The following PTPRD variants were observed in gnomAD, a reference collection of about 807,000 sequenced individuals.
The protein encoded by PTPRD is receptor-type tyrosine-protein phosphatase delta.
In PTPRD, 34 loss-of-function variants were observed where a neutral mutation model predicts 214.5. The observed-to-expected ratio is 0.16, with a 90% CI of 0.12 to 0.21. The LOEUF (loss-of-function observed/expected upper bound fraction) is 0.21. Ranked by LOEUF, PTPRD falls within the 10% of genes least tolerant of loss-of-function variation. The probability of loss-of-function intolerance (pLI) is 1.00; values close to 1 mark genes in which losing one functional copy is unlikely to be tolerated. For synonymous variants in PTPRD, 1,128 were observed against 845.7 expected (o/e 1.33, Z -5.79); for missense variants, 2,545 against 2,398.7 (o/e 1.06, Z -1.27).
At chr9:9,319,069 G>A (rs1374629161) in intron 9 of PTPRD, among the ~76,000 whole-genome samples, 1 of 152,188 alleles carries the variant, frequency 6.6e-6, no homozygotes, top group Non-Finnish European at 1.5e-5. Context: ...GGCTGCAATA[G>A]GCTTGACGAA....
intron 4 of PTPRD, among the ~76,000 whole-genome samples, chr9:9,975,965 A>G (rs543758787): frequency 6.6e-6 from 1 of 152,210 alleles, no homozygotes; most frequent in Non-Finnish European, 1.5e-5. Context: ...CCTGAAAAGC[A>G]GTAGAAGGCA....
Position 8,569,118 on chromosome 9 carries a change from C to A in PTPRD, c.353-40339G>T, listed in dbSNP as rs184580728. Among the ~76,000 whole-genome samples the A allele has an allele frequency of 1.8e-3, 279 of 152,178 alleles. 1 individual carries two copies. Among genetic ancestry groups the A allele is most frequent in the Non-Finnish European group, 3.3e-3 (227 of 67,970 alleles). ...CCAAACTAACACATCTTTCTTCAGC[C>A]TAGGGAGTTCATTTTAACCCACGTA... On this transcript the variant is annotated intron_variant, in intron 14 of 45. Transcript: ENST00000381196.
chr9:9,895,976 A>G (rs776886133), intron 5 of PTPRD, among the ~76,000 whole-genome samples: 39 of 152,232 alleles, frequency 2.6e-4, no homozygotes, highest in Admixed American at 7.2e-4. Context: ...CAGAGCATGA[A>G]TGATGGGTAG....
At chr9:10,464,485 AG>A (rs2098980376) in intron 2 of PTPRD, among the ~76,000 whole-genome samples, 3 of 127,196 alleles carry the variant, frequency 2.4e-5, no homozygotes, top group Non-Finnish European at 5.8e-5. Context: ...GGAGAAAGAC[AG>A]GAAGATGAAG....
At chr9:9,458,342 G>T (rs1318316353) in intron 8 of PTPRD, among the ~76,000 whole-genome samples, 2 of 151,882 alleles carry the variant, frequency 1.3e-5, no homozygotes, top group Non-Finnish European at 2.9e-5. Context: ...ATCCAACATT[G>T]TACCACTATT....
intron 36 of PTPRD, among the ~76,000 whole-genome samples, chr9:8,403,296 C>G (rs975536460): frequency 6.6e-6 from 1 of 152,264 alleles, no homozygotes; most frequent in African/African-American, 2.4e-5. Flanking sequence ...CTTAAAATAA[C>G]TGGGTCTGAA....
chr9:9,181,593 C>G (rs2099928259), intron 10 of PTPRD, among the ~76,000 whole-genome samples: 2 of 151,962 alleles, frequency 1.3e-5, no homozygotes, highest in Admixed American at 1.3e-4. Flanking sequence ...ACTACAGCCA[C>G]CAGAAATATA....
chr9:8,327,517 T>C (rs1304862367), intron 44 of PTPRD, among the ~76,000 whole-genome samples: 2 of 152,152 alleles, frequency 1.3e-5, no homozygotes, highest in Non-Finnish European at 2.9e-5. Flanking sequence ...TCTGTTGATT[T>C]GGGTGGAGAG....
At chr9:9,889,832 T>C (rs554873217) in intron 5 of PTPRD, among the ~76,000 whole-genome samples, 2 of 151,964 alleles carry the variant, frequency 1.3e-5, no homozygotes, top group South Asian at 4.2e-4. Flanking sequence ...TGTGTGTCTG[T>C]GTGTGGTCTC....
At chr9:10,064,520 G>C (rs76273371) in intron 3 of PTPRD, among the ~76,000 whole-genome samples, 2 of 151,842 alleles carry the variant, frequency 1.3e-5, no homozygotes, top group Non-Finnish European at 2.9e-5. Context: ...TCAGGGGATT[G>C]TGGTTAATGG....
At chr9:10,164,498 A>C (rs1304852281) in intron 3 of PTPRD, among the ~76,000 whole-genome samples, 3 of 151,506 alleles carry the variant, frequency 2.0e-5, no homozygotes, top group Admixed American at 6.6e-5. Context: ...TCCTTTTACA[A>C]GGGGCAGTAT....
intron 10 of PTPRD, among the ~76,000 whole-genome samples, chr9:9,105,696 A>G (rs1040449998): frequency 2.6e-5 from 4 of 152,186 alleles, no homozygotes; most frequent in African/African-American, 7.2e-5. Flanking sequence ...TGGATTAAAC[A>G]TACTGAATGA....
intron 10 of PTPRD, among the ~76,000 whole-genome samples, chr9:9,079,201 C>T (rs945710976): frequency 1.3e-5 from 2 of 152,018 alleles, no homozygotes; most frequent in Non-Finnish European, 2.9e-5. Context: ...CTCCTTATTC[C>T]TCCTTTCCCC....
At chr9:10,242,964 A>C (rs973669611) in intron 3 of PTPRD, among the ~76,000 whole-genome samples, 1 of 151,794 alleles carries the variant, frequency 6.6e-6, no homozygotes, top group South Asian at 2.1e-4. Context: ...AGAGCCAAAG[A>C]CAAAGATATG....
At chr9:8,458,262 C>A (rs907273195) in intron 33 of PTPRD, among the ~76,000 whole-genome samples, 2 of 152,028 alleles carry the variant, frequency 1.3e-5, no homozygotes, top group Non-Finnish European at 2.9e-5. Context: ...TAAGCACTTG[C>A]AGATGAAGGA....
intron 37 of PTPRD, among the ~76,000 whole-genome samples, chr9:8,387,862 T>A (rs1369144202): frequency 1.3e-5 from 2 of 152,172 alleles, no homozygotes; most frequent in Non-Finnish European, 2.9e-5. Flanking sequence ...CCAAGATCAC[T>A]TGGGAGGGGA....
chr9:8,449,621 C>T (rs2095859572), intron 34 of PTPRD, 104 bp downstream of exon 34: 6 of 1,045,932 alleles, frequency 5.7e-6, no homozygotes, highest in Non-Finnish European at 8.2e-6. Context: ...GCAGGATGAA[C>T]AAAATGGCTC....
intron 3 of PTPRD, among the ~76,000 whole-genome samples, chr9:10,126,946 CTTT>C (rs34691762): frequency 2.1e-4 from 27 of 130,562 alleles, no homozygotes; most frequent in Non-Finnish European, 2.7e-4. Context: ...CTCAAATGGA[CTTT>C]TTTTTTTTTT....
At chr9:9,185,970 A>C (rs1304713628) in intron 9 of PTPRD, among the ~76,000 whole-genome samples, 1 of 151,948 alleles carries the variant, frequency 6.6e-6, no homozygotes, top group Non-Finnish European at 1.5e-5. Flanking sequence ...AGGAGACAAC[A>C]AAAACTATTT....
Sources: allele counts gnomAD v4.1 joint callset (sites outside exome capture counted in the v4.1 genomes callset), GRCh38; gene constraint gnomAD v4.1.1; transcripts MANE v1.5; gene names NCBI Gene and HGNC (gene_info 2026-07-23, HGNC 2026-07-21).